NAPB: variants seen among roughly 807,000 people sequenced by gnomAD.
NAPB encodes the protein beta-soluble NSF attachment protein.
NAPB carries 26 observed loss-of-function variants against 44.7 expected under a neutral mutation model. That is an observed-to-expected ratio of 0.58 (90% confidence interval 0.43 to 0.81). The LOEUF is 0.81. NAPB is among the 30% of genes least tolerant of loss of function. NAPB has a pLI of 0.00. For missense variants in NAPB, 315 were observed against 356.4 expected, an observed-to-expected ratio of 0.88 and a Z score of 0.94; for synonymous variants, 120 against 116.8, an observed-to-expected ratio of 1.03 and a Z score of -0.18.
intron 1 of NAPB, among the ~76,000 whole-genome samples, chr20:23,413,068 C>A (rs1019395669): frequency 5.9e-5 from 9 of 151,946 alleles, no homozygotes; most frequent in Non-Finnish European, 1.0e-4. Flanking sequence ...GAGGCCAAAG[C>A]AGGAGGATTG....
intron 7 of NAPB, among the ~76,000 whole-genome samples, chr20:23,389,440 C>G (rs1022847125): frequency 1.3e-5 from 2 of 152,060 alleles, no homozygotes; most frequent in African/African-American, 4.8e-5. Context: ...AAAAACACCA[C>G]CACAAAAACT....
intron 1 of NAPB, among the ~76,000 whole-genome samples, chr20:23,414,186 G>A (rs1315276463): frequency 4.6e-5 from 7 of 152,268 alleles, no homozygotes; most frequent in Non-Finnish European, 7.3e-5. Flanking sequence ...GCTGGGCATG[G>A]TGGCCTGTGC....
At position 23,381,317 on chromosome 20, in the gene NAPB, C is replaced by G; in HGVS notation, c.562G>C (p.Val188Leu). Residue 188 changes from valine to leucine, a missense_variant and splice_region_variant, in exon 8 of 11, where the codon GTT becomes CTT. By Grantham distance (32) the Val-to-Leu change is conservative (BLOSUM62 1). Coordinates refer to ENST00000377026, the MANE Select transcript of NAPB (RefSeq NM_022080.3). ...YQKAIEIYEQVGANTMDNPLL... is the reference protein window; with the variant it reads ...YQKAIEIYEQLGANTMDNPLL... ...GGATTATCCATTGTGTTTGCCCCAA[C>G]CTAGGCACAGAACGCAGAGTTAAAT... The G allele has an allele frequency of 6.4e-7, 1 of 1,560,704 alleles. No individual in the cohort carries two copies. Among genetic ancestry groups the G allele is most frequent in the South Asian group, 1.2e-5 (1 of 84,598 alleles).
intron 1 of NAPB, among the ~76,000 whole-genome samples, chr20:23,415,745 T>C (rs1019470003): frequency 6.6e-6 from 1 of 152,100 alleles, no homozygotes; most frequent in Non-Finnish European, 1.5e-5. Context: ...GCAGAGCAGA[T>C]CGCTTGAGTC....
chr20:23,417,040 G>C (rs541637477), intron 1 of NAPB, among the ~76,000 whole-genome samples: 1 of 151,704 alleles, frequency 6.6e-6, no homozygotes, highest in Non-Finnish European at 1.5e-5. Flanking sequence ...GAAAGGCAAA[G>C]GAAGACAGCA....
rs1986431901 is a variant in NAPB at position 23,421,433 on chromosome 20, A to G, written c.-31T>C. On this transcript the variant is annotated 5_prime_UTR_variant, in exon 1 of 11. Transcript: ENST00000377026. ...CCGCCGCGGCCGCCACAGCCCCCTCAGCCGGCTCGCTGTGCGCCCAGGCGC... is the reference window on the plus strand; with the variant it reads ...CCGCCGCGGCCGCCACAGCCCCCTCGGCCGGCTCGCTGTGCGCCCAGGCGC... The G allele has an allele frequency of 3.3e-6, 5 of 1,534,644 alleles. No homozygotes were observed. Among genetic ancestry groups the G allele is most frequent in the Non-Finnish European group, 4.4e-6 (5 of 1,139,058 alleles).
In NAPB at chr20:23,397,317, T is replaced by A. The variant is rs564049498; in HGVS notation, c.179-129A>T. 7 of 1,163,452 alleles carry A rather than the reference T, an allele frequency of 6.0e-6. No individual in the cohort carries two copies. In the Admixed American group the frequency reaches 1.5e-4, roughly 25 times the overall value. 72.1% of individuals were successfully genotyped at this position (1,163,452 alleles called of 1,614,324 possible). ...GAAGCATTCTAGTCAGAAGCAAAAA[T>A]CCATGTGGTCCAGTGCACCTCGGGC... On this transcript the variant is annotated intron_variant, in intron 2 of 10. Coordinates refer to ENST00000377026, the MANE Select transcript of NAPB (RefSeq NM_022080.3).
intron 1 of NAPB, among the ~76,000 whole-genome samples, chr20:23,412,192 G>A (rs936208803): frequency 4.6e-5 from 7 of 152,072 alleles, no homozygotes; most frequent in African/African-American, 1.2e-4. Context: ...GCACTTATCC[G>A]GTATATATAC....
chr20:23,384,024 CCAA>C (rs1403498259), intron 7 of NAPB, among the ~76,000 whole-genome samples: 1 of 152,186 alleles, frequency 6.6e-6, no homozygotes, highest in Admixed American at 6.5e-5. Flanking sequence ...CATTGATTCT[CCAA>C]CAACACTGGT....
At chr20:23,407,547 T>C (rs947630955) in intron 1 of NAPB, among the ~76,000 whole-genome samples, 3 of 152,096 alleles carry the variant, frequency 2.0e-5, no homozygotes, top group African/African-American at 7.2e-5. Flanking sequence ...CACTGCCACC[T>C]GGCTGGCCCA....
At chr20:23,417,467 G>C (rs537474064) in intron 1 of NAPB, among the ~76,000 whole-genome samples, 1 of 152,278 alleles carries the variant, frequency 6.6e-6, no homozygotes, top group South Asian at 2.1e-4. Context: ...AGATGGAGGG[G>C]ATAGTATTAT....
intron 1 of NAPB, among the ~76,000 whole-genome samples, chr20:23,417,964 T>C (rs1233995114): frequency 2.0e-5 from 3 of 152,308 alleles, no homozygotes; most frequent in African/African-American, 7.2e-5. Context: ...ACAAAAGCTA[T>C]AGAATACTAC....
At chr20:23,389,910 G>A (rs373949161) in intron 7 of NAPB, 36 bp downstream of exon 7, 2 of 1,565,092 alleles carry the variant, frequency 1.3e-6, no homozygotes, top group African/African-American at 2.8e-5. Flanking sequence ...AAATTATTCA[G>A]ACAACTTCTC....
intron 7 of NAPB, among the ~76,000 whole-genome samples, chr20:23,382,413 T>C (rs1484172105): frequency 6.6e-6 from 1 of 152,088 alleles, no homozygotes; most frequent in Non-Finnish European, 1.5e-5. Context: ...TGACTTGTAA[T>C]ACCAAAAACA....
intron 1 of NAPB, among the ~76,000 whole-genome samples, chr20:23,417,523 C>T (rs190352038): frequency 3.4e-4 from 51 of 152,184 alleles, no homozygotes; most frequent in African/African-American, 1.1e-3. Context: ...AGACTCAGGC[C>T]GATTTAAAAT....
At position 23,376,690 on chromosome 20, in the gene NAPB, TA is replaced by T. The variant is rs879703204; in HGVS notation, c.*685del. ...AGATCTTGTGATATGTGTGTGTGTG[TA>T]AACGCGTGTGTCTAAGTACAAATCA... On this transcript the variant is annotated 3_prime_UTR_variant, in exon 11 of 11. Coordinates refer to ENST00000377026, the MANE Select transcript of NAPB (RefSeq NM_022080.3). 6.6e-6 allele frequency: 1 copy of T among 151,470 alleles called. No individual in the cohort carries two copies. The highest frequency in any genetic ancestry group is 1.9e-4 in the East Asian group (1 of 5,186). The allele number at this position is 151,470 out of a possible 1,614,324, so 9.4% of individuals were successfully genotyped here.
intron 1 of NAPB, among the ~76,000 whole-genome samples, chr20:23,412,448 A>G (rs1985717641): frequency 6.6e-6 from 1 of 152,236 alleles, no homozygotes; most frequent in Non-Finnish European, 1.5e-5. Context: ...AATGAAATAA[A>G]GAAGTTCACT....
chr20:23,405,301 G>A (rs1431071041), intron 1 of NAPB, among the ~76,000 whole-genome samples: 2 of 147,946 alleles, frequency 1.4e-5, no homozygotes, highest in African/African-American at 4.9e-5. Flanking sequence ...AAGAAAGAGA[G>A]AGAGACAGAG....
At position 23,375,819 on chromosome 20, in the gene NAPB, A is replaced by G. The variant is rs557410717; in HGVS notation, c.*1557T>C. On this transcript the variant is annotated 3_prime_UTR_variant, in exon 11 of 11. Coordinates refer to ENST00000377026, the MANE Select transcript of NAPB (RefSeq NM_022080.3). The stretch of plus-strand genomic sequence containing the variant: ...AGCCCACCTCATGCATGTCACCACC[A>G]TAACTATAGCCTGCAAGTCCTCGTG... 4 of 152,494 alleles carry G rather than the reference A, an allele frequency of 2.6e-5. No homozygotes were observed. The highest frequency in any genetic ancestry group is 2.6e-4 in the Admixed American group (4 of 15,306). The allele number at this position is 152,494 out of a possible 1,614,324, so 9.4% of individuals were successfully genotyped here.
Sources: allele counts gnomAD v4.1 joint callset (sites outside exome capture counted in the v4.1 genomes callset), GRCh38; gene constraint gnomAD v4.1.1; transcripts MANE v1.5; gene names NCBI Gene and HGNC (gene_info 2026-07-23, HGNC 2026-07-21).